The following PTGER3 variants were observed in gnomAD, a reference collection of about 807,000 sequenced individuals.
PTGER3 encodes prostaglandin E2 receptor EP3 subtype.
PTGER3 carries 22 observed loss-of-function variants against 34.7 expected under a neutral mutation model. The ratio of observed to expected loss-of-function variants is 0.63; its 90% CI spans 0.45 to 0.91. The LOEUF is 0.91. Ranked by LOEUF, PTGER3 falls within the 40% of genes least tolerant of loss-of-function variation. The probability of loss-of-function intolerance (pLI) is 0.00; values close to 1 mark genes in which losing one functional copy is unlikely to be tolerated. For missense variants in PTGER3, 468 were observed against 519.4 expected, an observed-to-expected ratio of 0.90 and a Z score of 0.96; for synonymous variants, 241 against 230.1, an observed-to-expected ratio of 1.05 and a Z score of -0.43.
At chr1:70,903,796 C>T (rs1425779355) in intron 4 of PTGER3, among the ~76,000 whole-genome samples, 1 of 152,266 alleles carries the variant, frequency 6.6e-6, no homozygotes, top group Non-Finnish European at 1.5e-5. Flanking sequence ...AGCCCTTTTC[C>T]AATTATCCTG....
rs149459922 is a variant in PTGER3 at position 71,040,466 on chromosome 1, G to C, written c.897+6215C>G. Among the ~76,000 whole-genome samples, 941 of 152,042 alleles carry C rather than the reference G, an allele frequency of 6.2e-3. 28 individuals are homozygous for C. Among genetic ancestry groups the C allele is most frequent in the Admixed American group, 0.055 (834 of 15,266 alleles). ...AAAAAAAAATACAAAAATTAGCAGG[G>C]CATGTGGTGGTGCATGCCTGTAACC... is the stretch of plus-strand genomic sequence containing the variant. On this transcript the variant is annotated intron_variant, in intron 1 of 3. Transcript: ENST00000306666.
intron 1 of PTGER3, 104 bp downstream of exon 1, chr1:71,046,577 G>A: frequency 1.5e-6 from 2 of 1,364,182 alleles, no homozygotes; most frequent in Non-Finnish European, 1.9e-6. Flanking sequence ...TCAGCGCTCT[G>A]CGGTTGCAAA....
chr1:70,983,226 G>A (rs755764155), intron 2 of PTGER3, among the ~76,000 whole-genome samples: 5 of 151,324 alleles, frequency 3.3e-5, no homozygotes, highest in Non-Finnish European at 7.4e-5. Flanking sequence ...CAGAGTGCTC[G>A]AGAGGGACTG....
intron 4 of PTGER3, among the ~76,000 whole-genome samples, chr1:70,933,921 ACTCTTT>A: frequency 6.6e-6 from 1 of 152,084 alleles, no homozygotes; most frequent in South Asian, 2.1e-4. Flanking sequence ...GGTGAGGCAG[ACTCTTT>A]CATGGAAATT....
At chr1:70,954,628 C>A (rs373684630) in intron 2 of PTGER3, among the ~76,000 whole-genome samples, 47 of 152,212 alleles carry the variant, frequency 3.1e-4, no homozygotes, top group African/African-American at 9.6e-4. Flanking sequence ...AGTCTATATT[C>A]CAAAACCAGT....
chr1:70,889,461 A>G (rs368520742), intron 4 of PTGER3, among the ~76,000 whole-genome samples: 1 of 149,428 alleles, frequency 6.7e-6, no homozygotes, highest in Non-Finnish European at 1.5e-5. Flanking sequence ...TTGTTGGCTT[A>G]TGTTTTATTT....
intron 4 of PTGER3, among the ~76,000 whole-genome samples, chr1:70,888,966 T>C (rs1045702856): frequency 1.3e-5 from 2 of 150,786 alleles, no homozygotes; most frequent in Non-Finnish European, 2.9e-5. Context: ...AGGAGTGTAG[T>C]AGGTTTTTTA....
intron 1 of PTGER3, among the ~76,000 whole-genome samples, chr1:71,040,805 G>A (rs975129950): frequency 5.9e-5 from 9 of 152,082 alleles, no homozygotes. Context: ...GGAAATGCGG[G>A]GTATCATGAG....
At chr1:71,008,841 A>G (rs1657195662) in intron 2 of PTGER3, 1 of 960,024 alleles carries the variant, frequency 1.0e-6, no homozygotes, top group Non-Finnish European at 1.2e-6. Flanking sequence ...TAATTCTTCA[A>G]GTTAGGCTTT....
chr1:70,987,691 C>A (rs928503881), intron 2 of PTGER3, among the ~76,000 whole-genome samples: 8 of 152,166 alleles, frequency 5.3e-5, no homozygotes, highest in African/African-American at 1.9e-4. Context: ...GTGGTCCCAG[C>A]TATGCATAGG....
intron 1 of PTGER3, among the ~76,000 whole-genome samples, chr1:71,036,585 A>C (rs539084233): frequency 6.6e-6 from 1 of 152,260 alleles, no homozygotes; most frequent in South Asian, 2.1e-4. Context: ...TCACACCTGT[A>C]ATCCCAGCCC....
intron 4 of PTGER3, among the ~76,000 whole-genome samples, chr1:70,885,519 T>A (rs1381219460): frequency 6.6e-6 from 1 of 152,218 alleles, no homozygotes; most frequent in Non-Finnish European, 1.5e-5. Flanking sequence ...AAGTGGTACA[T>A]ATATTATGTA....
At chr1:70,942,061 C>A (rs1649809968) in intron 4 of PTGER3, among the ~76,000 whole-genome samples, 1 of 152,026 alleles carries the variant, frequency 6.6e-6, no homozygotes, top group Non-Finnish European at 1.5e-5. Flanking sequence ...TCCAGCCAAC[C>A]CCCTTATGTT....
intron 4 of PTGER3, among the ~76,000 whole-genome samples, chr1:70,895,605 T>C (rs1646707704): frequency 6.6e-6 from 1 of 152,244 alleles, no homozygotes; most frequent in Admixed American, 6.5e-5. Flanking sequence ...TGCTTTAGAA[T>C]GCCTGGCTCA....
chr1:70,939,365 G>T (rs923256014), intron 4 of PTGER3, among the ~76,000 whole-genome samples: 1 of 152,210 alleles, frequency 6.6e-6, no homozygotes, highest in Admixed American at 6.5e-5. Context: ...CAGGACCATG[G>T]TGCAAGCTGT....
intron 2 of PTGER3, among the ~76,000 whole-genome samples, chr1:70,995,942 A>T: frequency 6.6e-6 from 1 of 152,182 alleles, no homozygotes; most frequent in East Asian, 1.9e-4. Flanking sequence ...CTTGTGAAAT[A>T]GGTGTTGTTA....
chr1:70,972,531 T>A (rs972696896), intron 3 of PTGER3, among the ~76,000 whole-genome samples: 11 of 151,242 alleles, frequency 7.3e-5, no homozygotes, highest in South Asian at 4.2e-4. Context: ...TATGGTAAAA[T>A]ATATATATAT....
intron 3 of PTGER3, among the ~76,000 whole-genome samples, chr1:70,972,386 C>G (rs1252445958): frequency 1.3e-5 from 2 of 151,964 alleles, no homozygotes; most frequent in African/African-American, 4.8e-5. Flanking sequence ...GTACACAGTG[C>G]CAATTAGTAT....
intron 4 of PTGER3, among the ~76,000 whole-genome samples, chr1:70,940,980 A>T (rs1238293783): frequency 6.6e-6 from 1 of 152,350 alleles, no homozygotes; most frequent in East Asian, 1.9e-4. Context: ...ATGTAAAGAT[A>T]AATGATTCAG....
Sources: allele counts gnomAD v4.1 joint callset (sites outside exome capture counted in the v4.1 genomes callset), GRCh38; gene constraint gnomAD v4.1.1; transcripts MANE v1.5; gene names NCBI Gene and HGNC (gene_info 2026-07-23, HGNC 2026-07-21).